The following HS6ST2 variants were observed in gnomAD, a reference collection of about 807,000 sequenced individuals.
HS6ST2 encodes heparan-sulfate 6-O-sulfotransferase 2.
In HS6ST2, 17 loss-of-function variants were observed where a neutral mutation model predicts 33.0. The ratio of observed to expected loss-of-function variants is 0.52; its 90% CI spans 0.35 to 0.77. HS6ST2 has a LOEUF of 0.77. HS6ST2 is among the 30% of genes least tolerant of loss of function. The pLI, the probability that HS6ST2 is intolerant of heterozygous loss-of-function variation, is 0.01. For missense variants in HS6ST2, 519 were observed against 551.7 expected, an observed-to-expected ratio of 0.94 and a Z score of 0.59; for synonymous variants, 248 against 237.1, an observed-to-expected ratio of 1.05 and a Z score of -0.42.
intron 2 of HS6ST2, among the ~76,000 whole-genome samples, chrX:132,818,548 G>T (rs192200029): frequency 9.0e-6 from 1 of 111,178 alleles, no homozygotes; most frequent in East Asian, 2.8e-4. Flanking sequence ...AAAAGCAGCT[G>T]GAGGTTTTGT....
At chrX:132,896,072 T>C (rs1298234935) in intron 2 of HS6ST2, among the ~76,000 whole-genome samples, 1 of 110,756 alleles carries the variant, frequency 9.0e-6, no homozygotes, top group African/African-American at 3.3e-5. Context: ...GTCAAAACAG[T>C]TGAACTCAAG....
chrX:132,704,792 T>C (rs954301657), intron 3 of HS6ST2, among the ~76,000 whole-genome samples: 1 of 112,009 alleles, frequency 8.9e-6, no homozygotes, highest in African/African-American at 3.2e-5. Flanking sequence ...TGAAGCACTT[T>C]GCTAACTTAG....
At chrX:132,871,291 A>G (rs371845395) in intron 2 of HS6ST2, among the ~76,000 whole-genome samples, 1 of 112,150 alleles carries the variant, frequency 8.9e-6, no homozygotes, top group African/African-American at 3.2e-5. Context: ...GCTGGAGAGG[A>G]TGTGGAGAAA....
intron 2 of HS6ST2, among the ~76,000 whole-genome samples, chrX:132,743,569 A>T (rs747877070): frequency 6.3e-5 from 7 of 111,878 alleles, no homozygotes; most frequent in Admixed American, 1.9e-4. Context: ...TTACATACCA[A>T]GCCCATTGCT....
At chrX:132,630,913 T>A (rs1272368755) in intron 4 of HS6ST2, among the ~76,000 whole-genome samples, 1 of 111,685 alleles carries the variant, frequency 9.0e-6, no homozygotes, top group Non-Finnish European at 1.9e-5. Flanking sequence ...CCACTGCATT[T>A]CAGCCTGAGC....
At chrX:132,930,625 T>C in intron 2 of HS6ST2, among the ~76,000 whole-genome samples, 1 of 110,882 alleles carries the variant, frequency 9.0e-6, no homozygotes, top group Non-Finnish European at 1.9e-5. Context: ...TCCCCAAACC[T>C]GAGACACCAG....
At position 132,628,418 on chromosome X, in the gene HS6ST2, C is replaced by T. The variant is rs1490534418; in HGVS notation, c.1743G>A (p.Pro581=). 6 of 1,202,444 alleles carry T rather than the reference C, an allele frequency of 5.0e-6. No homozygotes were observed. In the African/African-American group the frequency reaches 8.8e-5, roughly 18 times the overall value. Residue 581 remains proline (P), a synonymous_variant, in exon 5 of 5, where the codon CCG becomes CCA. Coordinates refer to ENST00000370833, the MANE Select transcript of HS6ST2 (RefSeq NM_001394073.1). The part of the protein sequence containing the change: ...QSQGQGQSQN[P]NQNQSQNPNP... ...TTGGGTTCTGACTCTGATTCTGATTCGGATTCTGGCTCTGGCCCTGACCCT... is the reference window on the plus strand; with the variant it reads ...TTGGGTTCTGACTCTGATTCTGATTTGGATTCTGGCTCTGGCCCTGACCCT...
chrX:132,959,243 G>C (rs1028232992), upstream of HS6ST2, among the ~76,000 whole-genome samples: 12 of 111,954 alleles, frequency 1.1e-4, no homozygotes, highest in African/African-American at 3.9e-4. Flanking sequence ...TCTTCCTCAA[G>C]CTCCAGTGTC....
intron 2 of HS6ST2, among the ~76,000 whole-genome samples, chrX:132,853,839 A>G (rs755677095): frequency 8.1e-5 from 9 of 111,058 alleles, no homozygotes; most frequent in Non-Finnish European, 1.7e-4. Context: ...CCTGGGCAAC[A>G]TGACAAAACC....
chrX:132,779,088 G>T (rs2064994390), intron 2 of HS6ST2, among the ~76,000 whole-genome samples: 1 of 112,031 alleles, frequency 8.9e-6, no homozygotes. Flanking sequence ...TGCCAGCAGG[G>T]AATGGAGGAC....
intron 2 of HS6ST2, among the ~76,000 whole-genome samples, chrX:132,940,163 T>A (rs1036857455): frequency 7.1e-5 from 8 of 111,912 alleles, no homozygotes; most frequent in Non-Finnish European, 1.5e-4. Context: ...CGGTTTTGTA[T>A]AATGGTACCA....
At chrX:132,735,037 A>G (rs748535904) in intron 2 of HS6ST2, 1 of 111,719 alleles carries the variant, frequency 9.0e-6, no homozygotes, top group East Asian at 2.8e-4. Flanking sequence ...CTAGAGAAAT[A>G]TGAGAATAAC....
chrX:132,855,472 T>A (rs760670134), intron 2 of HS6ST2, among the ~76,000 whole-genome samples: 1 of 112,338 alleles, frequency 8.9e-6, no homozygotes, highest in South Asian at 3.7e-4. Flanking sequence ...GTGCCTGACA[T>A]AATGTCTGTA....
At chrX:132,706,190 A>G (rs2064187813) in intron 3 of HS6ST2, among the ~76,000 whole-genome samples, 1 of 111,694 alleles carries the variant, frequency 9.0e-6, no homozygotes, top group South Asian at 3.8e-4. Context: ...GCTCCCCTCC[A>G]GCCTGGACTT....
intron 2 of HS6ST2, among the ~76,000 whole-genome samples, chrX:132,849,986 A>G (rs1054823909): frequency 8.9e-6 from 1 of 112,116 alleles, no homozygotes; most frequent in African/African-American, 3.2e-5. Context: ...AAACGAAAAC[A>G]TAAGTTAGAA....
intron 2 of HS6ST2, among the ~76,000 whole-genome samples, chrX:132,792,587 C>T (rs1218286798): frequency 6.3e-5 from 7 of 111,831 alleles, no homozygotes; most frequent in Non-Finnish European, 1.1e-4. Flanking sequence ...GCAACCATTG[C>T]CATAATCAAT....
At chrX:132,907,608 A>G (rs898118723) in intron 2 of HS6ST2, 1 of 111,434 alleles carries the variant, frequency 9.0e-6, no homozygotes, top group African/African-American at 3.3e-5. Context: ...GCTTGCCACA[A>G]CCTCATACTC....
At position 132,958,562 on chromosome X, in the gene HS6ST2, G is replaced by A. The variant is rs780044877; in HGVS notation, c.41C>T (p.Pro14Leu). 2.8e-5 allele frequency: 33 copies of A among 1,180,304 alleles called. No homozygotes were observed. The Middle Eastern group carries it at 3.8e-3, about 134-fold the overall frequency. The change falls in exon 1 of 5, where the codon CCG (proline) becomes CTG (leucine). Residue 14 changes from proline to leucine, a missense_variant. Physicochemically the swap from Pro to Leu is moderately conservative, Grantham distance 98. Coordinates refer to ENST00000370833, the MANE Select transcript of HS6ST2 (RefSeq NM_001394073.1). Reference protein sequence around the residue: ...PACAVREFEPPRQPERGAPVR... With the variant: ...PACAVREFEPLRQPERGAPVR... ...GGGCGCTCCTCGCTCCGGTTGCCGC[G>A]GCGGCTCGAACTCCCGGACTGCACA...
chrX:132,760,793 G>A (rs1225471522), intron 2 of HS6ST2, among the ~76,000 whole-genome samples: 1 of 111,188 alleles, frequency 9.0e-6, no homozygotes, highest in African/African-American at 3.3e-5. Flanking sequence ...ACCCTTGTAG[G>A]CTGGGAATCC....
Sources: gnomAD v4.1 joint callset for allele counts (sites outside exome capture counted in the v4.1 genomes callset) on GRCh38, gnomAD v4.1.1 for gene constraint, MANE v1.5 for transcripts, NCBI Gene and HGNC (gene_info 2026-07-23, HGNC 2026-07-21) for gene names.